The following PUS10 variants were observed in gnomAD, a reference collection of about 807,000 sequenced individuals.
The protein encoded by PUS10 is pseudouridine synthase 10, also known as tRNA pseudouridine synthase Pus10.
Under a neutral mutation model 75.0 loss-of-function variants are expected in PUS10, and 59 were observed. The ratio of observed to expected loss-of-function variants is 0.79; its 90% CI spans 0.64 to 0.98. The LOEUF (loss-of-function observed/expected upper bound fraction) is 0.98, where lower values mean the gene tolerates loss of function less well. Ranked by LOEUF, PUS10 falls within the 50% of genes least tolerant of loss-of-function variation. The pLI is 0.00. For missense variants in PUS10, 650 were observed against 614.4 expected, an observed-to-expected ratio of 1.06 and a Z score of -0.61; for synonymous variants, 219 against 211.6, an observed-to-expected ratio of 1.03 and a Z score of -0.30.
chr2:60,974,904 C>T (rs1002317416), intron 4 of PUS10, among the ~76,000 whole-genome samples: 3 of 152,318 alleles, frequency 2.0e-5, no homozygotes, highest in South Asian at 4.1e-4. Context: ...ACGAGCCTAG[C>T]GGGCTAGAGA....
At chr2:61,017,478 T>G in intron 1 of PUS10, 1 of 323,780 alleles carries the variant, frequency 3.1e-6, no homozygotes, top group South Asian at 7.6e-5. Flanking sequence ...GTCTAGGGAG[T>G]TGTAGCCGCT....
At chr2:61,000,550 T>C (rs1164152746) in intron 4 of PUS10, among the ~76,000 whole-genome samples, 1 of 152,220 alleles carries the variant, frequency 6.6e-6, no homozygotes, top group East Asian at 1.9e-4. Flanking sequence ...TTGCCTTTTC[T>C]AGCTTCAGAA....
At chr2:60,961,690 A>G (rs1307175680) in intron 9 of PUS10, 142 bp from the exon 10 acceptor site, 4 of 690,142 alleles carry the variant, frequency 5.8e-6, no homozygotes, top group Admixed American at 5.1e-5. Context: ...CAGGTCTTGC[A>G]GGCCTGTGGA....
At chr2:60,956,702 G>A (rs996850899) in intron 11 of PUS10, among the ~76,000 whole-genome samples, 3 of 152,108 alleles carry the variant, frequency 2.0e-5, no homozygotes, top group African/African-American at 4.8e-5. Flanking sequence ...CAGGCTGGGT[G>A]CGGTGGCTCA....
At chr2:60,976,327 T>C (rs951460462) in intron 4 of PUS10, among the ~76,000 whole-genome samples, 3 of 152,268 alleles carry the variant, frequency 2.0e-5, no homozygotes, top group African/African-American at 4.8e-5. Context: ...TGCTTTGCTA[T>C]AGCTAGTTCT....
At chr2:60,942,511 A>G in intron 17 of PUS10, 78 bp from the exon 18 acceptor site, 2 of 1,096,372 alleles carry the variant, frequency 1.8e-6, no homozygotes, top group Non-Finnish European at 2.8e-6. Flanking sequence ...GTATAAATTT[A>G]ATAGTTTTAA....
chr2:60,988,209 T>C (rs7564317), intron 4 of PUS10, among the ~76,000 whole-genome samples: 9,740 of 152,258 alleles, frequency 0.064, 1,066 homozygotes, highest in African/African-American at 0.22. Context: ...TAATGAATTT[T>C]TTCTACATTT....
intron 4 of PUS10, among the ~76,000 whole-genome samples, chr2:60,991,296 C>T (rs1678059790): frequency 1.3e-5 from 2 of 152,132 alleles, no homozygotes; most frequent in Admixed American, 1.3e-4. Flanking sequence ...GTAGGTAAAT[C>T]TGTGAATATT....
rs191513120 is a variant in PUS10 at position 60,948,200 on chromosome 2, G to A, written c.1309-15C>T. 151 of 1,613,664 alleles carry A rather than the reference G, an allele frequency of 9.4e-5. 1 individual carries two copies. The East Asian group carries it at 2.9e-3, about 31-fold the overall frequency. ...ATTTTTAAGTCCTAGGGGAGAATAT[G>A]ACACACAGTCCCAGAGTCAGAGCTT... On this transcript the variant is annotated splice_polypyrimidine_tract_variant and intron_variant, in intron 15 of 17. Coordinates refer to ENST00000316752, the MANE Select transcript of PUS10 (RefSeq NM_144709.4).
chr2:60,970,744 C>A (rs1676609264), intron 5 of PUS10, among the ~76,000 whole-genome samples: 1 of 152,124 alleles, frequency 6.6e-6, no homozygotes, highest in African/African-American at 2.4e-5. Context: ...ACACTTTTGG[C>A]CTCCAAGTGT....
chr2:61,001,810 C>A lies in PUS10; in HGVS notation c.468+4747G>T, dbSNP rs1054485339. On this transcript the variant is annotated intron_variant, in intron 4 of 17. Coordinates refer to ENST00000316752, the MANE Select transcript of PUS10 (RefSeq NM_144709.4). ...TCATTCAGATGTATTTTCCCCCACC[C>A]TTTTTTTTATTCATTGAGATAGTTT... Among the ~76,000 whole-genome samples, 6 of 152,052 alleles carry A rather than the reference C, an allele frequency of 3.9e-5. No homozygotes were observed. The East Asian group carries it at 7.7e-4, about 20-fold the overall frequency.
chr2:61,007,215 GTTTT>G (rs758807191), intron 3 of PUS10, among the ~76,000 whole-genome samples: 39,565 of 144,408 alleles, frequency 0.27, 5,910 homozygotes, highest in African/African-American at 0.42. Flanking sequence ...GTAGGCTTTT[GTTTT>G]TTTTTTTTTA....
intron 4 of PUS10, among the ~76,000 whole-genome samples, chr2:60,997,406 C>T (rs1484106565): frequency 6.6e-6 from 1 of 152,016 alleles, no homozygotes; most frequent in Non-Finnish European, 1.5e-5. Flanking sequence ...GTCAGGAGAT[C>T]GAGACCATCC....
intron 4 of PUS10, among the ~76,000 whole-genome samples, chr2:60,983,042 C>T (rs1677500676): frequency 6.6e-6 from 1 of 152,102 alleles, no homozygotes; most frequent in African/African-American, 2.4e-5. Context: ...TACAGGCATG[C>T]ACCACCATAC....
chr2:60,957,052 T>C (rs1173227632), intron 11 of PUS10, among the ~76,000 whole-genome samples: 9 of 150,000 alleles, frequency 6.0e-5, no homozygotes, highest in Non-Finnish European at 8.9e-5. Flanking sequence ...GGAAACATCC[T>C]TGGACTCCAG....
intron 2 of PUS10, among the ~76,000 whole-genome samples, chr2:61,009,519 G>A (rs1679463972): frequency 6.6e-6 from 1 of 152,106 alleles, no homozygotes; most frequent in Admixed American, 6.5e-5. Flanking sequence ...ATAATTTGGA[G>A]AAAATTTACT....
intron 16 of PUS10, 57 bp downstream of exon 16, chr2:60,947,986 G>A (rs945619566): frequency 2.8e-5 from 44 of 1,598,778 alleles, no homozygotes; most frequent in Non-Finnish European, 3.6e-5. Context: ...AGGGGACCAT[G>A]AACTTTTCCA....
chr2:61,017,012 TC>T (rs1480903006), intron 1 of PUS10: 1 of 152,114 alleles, frequency 6.6e-6, no homozygotes. Context: ...AGCAAGCCCT[TC>T]CCCCTTCGGT....
At chr2:61,008,733 C>T (rs769722656) in intron 3 of PUS10, 28 bp downstream of exon 3, 2 of 1,479,786 alleles carry the variant, frequency 1.4e-6, no homozygotes, top group South Asian at 2.6e-5. Flanking sequence ...TACATAATTG[C>T]ACCTATAATG....
Sources: gnomAD v4.1 joint callset for allele counts (sites outside exome capture counted in the v4.1 genomes callset) on GRCh38, gnomAD v4.1.1 for gene constraint, MANE v1.5 for transcripts, NCBI Gene and HGNC (gene_info 2026-07-23, HGNC 2026-07-21) for gene names.